Variants in BAZ2B observed in about 807,000 individuals in gnomAD.
BAZ2B encodes bromodomain adjacent to zinc finger domain protein 2B.
Under a neutral mutation model 246.0 loss-of-function variants are expected in BAZ2B, and 91 were observed. The ratio of observed to expected loss-of-function variants is 0.37; its 90% CI spans 0.31 to 0.44. The LOEUF is 0.44. Among genes scored for constraint, BAZ2B ranks in the 20% least tolerant of loss-of-function variants. The pLI, the probability that BAZ2B is intolerant of heterozygous loss-of-function variation, is 1.00. For missense variants in BAZ2B, 2,332 were observed against 2,533.7 expected (o/e 0.92, Z 1.71); for synonymous variants, 855 against 860.0 (o/e 0.99, Z 0.10).
chr2:159,377,856 A>G (rs2061584751), intron 25 of BAZ2B, among the ~76,000 whole-genome samples: 4 of 151,668 alleles, frequency 2.6e-5, no homozygotes, highest in Middle Eastern at 3.4e-3. Flanking sequence ...CTTAAATGAC[A>G]CATCTCCTTT....
chr2:159,656,344 T>C, the BAZ2B span, among the ~76,000 whole-genome samples: 5 of 152,198 alleles, frequency 3.3e-5, no homozygotes, highest in African/African-American at 1.2e-4. Context: ...CATTATTAAC[T>C]AAAGTTACAG....
intron 1 of BAZ2B, among the ~76,000 whole-genome samples, chr2:159,572,650 C>G (rs1684299797): frequency 2.0e-5 from 3 of 152,098 alleles, no homozygotes; most frequent in Non-Finnish European, 4.4e-5. Context: ...CTTTTTAGAG[C>G]TAGATTTTTG....
the BAZ2B span, among the ~76,000 whole-genome samples, chr2:159,667,179 C>T: frequency 1.6e-4 from 23 of 147,944 alleles, no homozygotes; most frequent in African/African-American, 4.7e-4. Context: ...TTTTTCTCAG[C>T]GATTTACAGT....
the BAZ2B span, among the ~76,000 whole-genome samples, chr2:159,622,822 G>C: frequency 6.6e-6 from 1 of 151,888 alleles, no homozygotes; most frequent in Non-Finnish European, 1.5e-5. Flanking sequence ...AACATGATGA[G>C]ACTGTCTCTA....
intron 2 of BAZ2B, chr2:159,516,743 C>A (rs555368040): frequency 6.6e-5 from 10 of 152,526 alleles, no homozygotes; most frequent in African/African-American, 2.2e-4. Context: ...AGGTTGATGT[C>A]TCAAGTAATC....
intron 2 of BAZ2B, among the ~76,000 whole-genome samples, chr2:159,485,991 A>T (rs898888412): frequency 6.6e-6 from 1 of 152,086 alleles, no homozygotes; most frequent in Non-Finnish European, 1.5e-5. Flanking sequence ...CATCCAAAGG[A>T]TTAAATATTC....
intron 3 of BAZ2B, among the ~76,000 whole-genome samples, chr2:159,454,058 A>G (rs2075417708): frequency 1.3e-5 from 2 of 152,102 alleles, no homozygotes; most frequent in African/African-American, 4.8e-5. Context: ...TAAGTAGATA[A>G]TTTTCACTAA....
At chr2:159,503,466 C>G (rs1417413027) in intron 2 of BAZ2B, among the ~76,000 whole-genome samples, 2 of 152,208 alleles carry the variant, frequency 1.3e-5, no homozygotes, top group Non-Finnish European at 2.9e-5. Context: ...TGTTCCGACT[C>G]ACAAGGAAGT....
chr2:159,624,554 G>A, the BAZ2B span, among the ~76,000 whole-genome samples: 1 of 152,234 alleles, frequency 6.6e-6, no homozygotes, highest in Non-Finnish European at 1.5e-5. Context: ...GGCAAACAGA[G>A]TCTGGAGTGG....
At chr2:159,546,278 T>C (rs1403579212) in intron 2 of BAZ2B, among the ~76,000 whole-genome samples, 1 of 151,860 alleles carries the variant, frequency 6.6e-6, no homozygotes, top group Non-Finnish European at 1.5e-5. Context: ...TGATAGTGAA[T>C]GAGTCTTATG....
intron 21 of BAZ2B, among the ~76,000 whole-genome samples, chr2:159,389,125 C>A (rs112516098): frequency 2.1e-4 from 31 of 149,290 alleles, no homozygotes; most frequent in East Asian, 8.0e-4. Context: ...AACCAACCAA[C>A]CAAACAAACA....
intron 1 of BAZ2B, among the ~76,000 whole-genome samples, chr2:159,598,841 C>G (rs1691402172): frequency 6.6e-6 from 1 of 152,018 alleles, no homozygotes; most frequent in South Asian, 2.1e-4. Context: ...AAGAGTGAGA[C>G]TCTGTCACAA....
the BAZ2B span, among the ~76,000 whole-genome samples, chr2:159,658,126 T>G: frequency 6.6e-6 from 1 of 152,158 alleles, no homozygotes; most frequent in Admixed American, 6.5e-5. Context: ...TGAAAAAGAT[T>G]TTTGTCATAA....
chr2:159,377,859 TCTC>T (rs2061586338), intron 25 of BAZ2B, among the ~76,000 whole-genome samples: 2 of 148,364 alleles, frequency 1.3e-5, no homozygotes, highest in Non-Finnish European at 3.0e-5. Flanking sequence ...AAATGACACA[TCTC>T]CTTTAAAACT....
chr2:159,635,489 C>T, the BAZ2B span, among the ~76,000 whole-genome samples: 1 of 152,088 alleles, frequency 6.6e-6, no homozygotes, highest in South Asian at 2.1e-4. Context: ...TGGTCCTGGG[C>T]GCCACACTAC....
chr2:159,539,190 C>G (rs1484120016), intron 2 of BAZ2B, among the ~76,000 whole-genome samples: 1 of 152,120 alleles, frequency 6.6e-6, no homozygotes, highest in Non-Finnish European at 1.5e-5. Context: ...CTATAATGAC[C>G]AGTTTATGTG....
intron 2 of BAZ2B, among the ~76,000 whole-genome samples, chr2:159,501,160 AT>A (rs1365690396): frequency 1.2e-4 from 10 of 86,722 alleles, no homozygotes; most frequent in South Asian, 6.9e-4. Flanking sequence ...ATATATATAA[AT>A]ATATAATATA....
intron 1 of BAZ2B, among the ~76,000 whole-genome samples, chr2:159,563,873 C>A (rs2151514807): frequency 6.6e-6 from 1 of 152,238 alleles, no homozygotes; most frequent in South Asian, 2.1e-4. Context: ...GAATCACAAG[C>A]CAATTTTAAC....
intron 28 of BAZ2B, 35 bp downstream of exon 28, chr2:159,349,673 C>G (rs763206156): frequency 6.5e-7 from 1 of 1,546,702 alleles, no homozygotes; most frequent in Non-Finnish European, 8.8e-7. Context: ...TTACATAAAG[C>G]AATATAAAAA....
Sources: allele counts gnomAD v4.1 joint callset (sites outside exome capture counted in the v4.1 genomes callset), GRCh38; gene constraint gnomAD v4.1.1; transcripts MANE v1.5; gene names NCBI Gene and HGNC (gene_info 2026-07-23, HGNC 2026-07-21).